The following GRIP1 variants were observed in gnomAD, a reference collection of about 807,000 sequenced individuals.
The protein encoded by GRIP1 is glutamate receptor interacting protein 1.
In GRIP1, 45 loss-of-function variants were observed where a neutral mutation model predicts 129.9. That is an observed-to-expected ratio of 0.35 (90% CI 0.27 to 0.44). The LOEUF (loss-of-function observed/expected upper bound fraction) is 0.44, where lower values mean the gene tolerates loss of function less well. Among genes scored for constraint, GRIP1 ranks in the 20% least tolerant of loss-of-function variants. The pLI, the probability that GRIP1 is intolerant of heterozygous loss-of-function variation, is 1.00. For synonymous variants in GRIP1, 530 were observed against 520.8 expected (o/e 1.02, Z -0.24); for missense variants, 1,196 against 1,396.8 (o/e 0.86, Z 2.29).
At chr12:66,909,394 A>C (rs924504578) in intron 1 of GRIP1, among the ~76,000 whole-genome samples, 1 of 152,248 alleles carries the variant, frequency 6.6e-6, no homozygotes, top group African/African-American at 2.4e-5. Flanking sequence ...TGGCTCAAAC[A>C]AATAGGTTAT....
chr12:66,348,765 G>C lies in GRIP1; in HGVS notation c.*254C>G. The stretch of plus-strand genomic sequence containing the variant: ...TGATGTTAATTGTAGAGTTGTGGGG[G>C]ACGGCCTATTTTTCTCTACCGTTGG... On this transcript the variant is annotated 3_prime_UTR_variant, in exon 25 of 25. Coordinates refer to ENST00000359742, the MANE Select transcript of GRIP1 (RefSeq NM_001366722.1). 1 of 511,286 alleles carries C rather than the reference G, an allele frequency of 2.0e-6. No individual in the cohort carries two copies. The highest frequency in any genetic ancestry group is 3.5e-6 in the Non-Finnish European group (1 of 284,842). 31.7% of individuals were successfully genotyped at this position (511,286 alleles called of 1,614,324 possible). A position where few individuals can be genotyped will look rare whatever the true frequency, so the allele number is the denominator to read the frequency against.
chr12:66,425,119 C>T (rs893564113), intron 14 of GRIP1, among the ~76,000 whole-genome samples: 6 of 152,124 alleles, frequency 3.9e-5, no homozygotes, highest in African/African-American at 1.4e-4. Flanking sequence ...CATTTTCTAC[C>T]TTCATATTTG....
At chr12:66,920,502 C>G (rs1286626812) in intron 1 of GRIP1, among the ~76,000 whole-genome samples, 1 of 152,158 alleles carries the variant, frequency 6.6e-6, no homozygotes, top group Admixed American at 6.5e-5. Context: ...CCCAAAAGCT[C>G]AAGGAGTAGT....
chr12:66,971,434 G>A (rs2042074849), intron 1 of GRIP1, among the ~76,000 whole-genome samples: 1 of 152,046 alleles, frequency 6.6e-6, no homozygotes, highest in South Asian at 2.1e-4. Flanking sequence ...GAGAATTCAT[G>A]GCAAACTTAA....
chr12:66,832,519 GA>G (rs60120273), intron 1 of GRIP1, among the ~76,000 whole-genome samples: 6 of 150,798 alleles, frequency 4.0e-5, no homozygotes, highest in African/African-American at 4.9e-5. Flanking sequence ...TTGTTTATGA[GA>G]AAAAAAAATA....
rs117984448 is a variant in GRIP1 at position 66,568,370 on chromosome 12, C to G, written c.137-26420G>C. The G allele has an allele frequency of 3.7e-4, 62 of 168,912 alleles. No individual in the cohort carries two copies. The East Asian group carries it at 4.4e-3, about 12-fold the overall frequency. The allele number at this position is 168,912 out of a possible 1,614,324, so 10.5% of individuals were successfully genotyped here. On this transcript the variant is annotated intron_variant, in intron 2 of 24. Coordinates refer to ENST00000359742, the MANE Select transcript of GRIP1 (RefSeq NM_001366722.1). ...TCTGCATATGCTTCTAAAAGAGATCCTCTTTCAAGAAAAAATGGTGGAAGA... is the reference window on the plus strand; with the variant it reads ...TCTGCATATGCTTCTAAAAGAGATCGTCTTTCAAGAAAAAATGGTGGAAGA...
In GRIP1 at chr12:67,015,130, C is replaced by T. The variant is rs368327012; in HGVS notation, c.58+53920G>A. On this transcript the variant is annotated intron_variant, in intron 1 of 1. Transcript: ENST00000643019. The stretch of plus-strand genomic sequence containing the variant: ...CCTATTACCTGAGAGAGAAAAAAAG[C>T]GAGGAAGACGTGCACATACACATCA... 2.2e-4 allele frequency among the ~76,000 whole-genome samples: 33 copies of T among 152,170 alleles called. No homozygotes were observed. In the East Asian group the frequency reaches 3.3e-3, roughly 15 times the overall value.
chr12:66,726,087 A>C (rs2036246080), intron 1 of GRIP1, among the ~76,000 whole-genome samples: 1 of 152,168 alleles, frequency 6.6e-6, no homozygotes, highest in African/African-American at 2.4e-5. Context: ...CACATGTGTC[A>C]GTGTGTGTTT....
intron 1 of GRIP1, among the ~76,000 whole-genome samples, chr12:66,734,875 T>C (rs531888158): frequency 9.9e-5 from 15 of 152,214 alleles, no homozygotes; most frequent in Admixed American, 4.6e-4. Flanking sequence ...ATAAAAGTGA[T>C]TTTATATTAA....
chr12:66,912,460 T>A (rs1275097837), intron 1 of GRIP1, among the ~76,000 whole-genome samples: 1 of 152,146 alleles, frequency 6.6e-6, no homozygotes, highest in Non-Finnish European at 1.5e-5. Context: ...ACTTTGATCT[T>A]CCTGGCAGCC....
intron 1 of GRIP1, among the ~76,000 whole-genome samples, chr12:66,895,550 T>C (rs2040733275): frequency 6.6e-6 from 1 of 152,208 alleles, no homozygotes; most frequent in South Asian, 2.1e-4. Flanking sequence ...TCACTTGGTC[T>C]GGATCCATTC....
chr12:66,598,156 T>C (rs2064129457), intron 1 of GRIP1, among the ~76,000 whole-genome samples: 1 of 152,204 alleles, frequency 6.6e-6, no homozygotes, highest in Non-Finnish European at 1.5e-5. Context: ...TCTGAGAATA[T>C]TAATTCTCCC....
At chr12:67,069,333 C>G (rs868374978), upstream of GRIP1, among the ~76,000 whole-genome samples, 5 of 116,678 alleles carry the variant, frequency 4.3e-5, no homozygotes, top group African/African-American at 1.6e-4. Flanking sequence ...CGGCGGCGGC[C>G]GGGCCGGGCC....
At chr12:66,654,895 G>A (rs2033046667) in intron 1 of GRIP1, among the ~76,000 whole-genome samples, 1 of 152,106 alleles carries the variant, frequency 6.6e-6, no homozygotes, top group African/African-American at 2.4e-5. Flanking sequence ...TAAAGCAATG[G>A]TGAAAATTAG....
intron 1 of GRIP1, among the ~76,000 whole-genome samples, chr12:66,795,398 A>G (rs1374648750): frequency 3.3e-5 from 5 of 152,202 alleles, no homozygotes; most frequent in African/African-American, 9.6e-5. Context: ...ATGTGAAAAC[A>G]TAAGACCAGC....
At chr12:66,463,689 T>G (rs2059201476) in intron 8 of GRIP1, among the ~76,000 whole-genome samples, 1 of 151,688 alleles carries the variant, frequency 6.6e-6, no homozygotes, top group Non-Finnish European at 1.5e-5. Flanking sequence ...TATGCAGGAG[T>G]CAAGTGAGTA....
intron 11 of GRIP1, among the ~76,000 whole-genome samples, chr12:66,449,543 A>G (rs1025331326): frequency 2.6e-5 from 4 of 152,134 alleles, no homozygotes; most frequent in Non-Finnish European, 2.9e-5. Context: ...ATAGCCTCCA[A>G]CCCTACGCTT....
intron 19 of GRIP1, among the ~76,000 whole-genome samples, chr12:66,389,575 T>C (rs575799254): frequency 6.6e-6 from 1 of 152,200 alleles, no homozygotes; most frequent in Non-Finnish European, 1.5e-5. Flanking sequence ...TCTGGAGAGA[T>C]GCAGTTTAAC....
At chr12:66,350,335 T>C (rs1308246866) in intron 24 of GRIP1, among the ~76,000 whole-genome samples, 3 of 151,936 alleles carry the variant, frequency 2.0e-5, no homozygotes, top group Non-Finnish European at 4.4e-5. Flanking sequence ...CCATCTCTAC[T>C]AGAAATACAA....
Sources: gnomAD v4.1 joint callset for allele counts (sites outside exome capture counted in the v4.1 genomes callset) on GRCh38, gnomAD v4.1.1 for gene constraint, MANE v1.5 for transcripts, NCBI Gene and HGNC (gene_info 2026-07-23, HGNC 2026-07-21) for gene names.